DTNB: variants seen among roughly 807,000 people sequenced by gnomAD.
The protein encoded by DTNB is dystrobrevin beta, also known as DTN-B.
In DTNB, 63 loss-of-function variants were observed where a neutral mutation model predicts 90.7. The observed-to-expected ratio is 0.69, with a 90% CI of 0.57 to 0.86. The LOEUF is 0.86. Among genes scored for constraint, DTNB ranks in the 40% least tolerant of loss-of-function variants. The probability of loss-of-function intolerance (pLI) is 0.00; values close to 1 mark genes in which losing one functional copy is unlikely to be tolerated. For synonymous variants in DTNB, 277 were observed against 286.7 expected, an observed-to-expected ratio of 0.97 and a Z score of 0.34; for missense variants, 744 against 807.1, an observed-to-expected ratio of 0.92 and a Z score of 0.95.
chr2:25,398,099 A>C (rs891588220), intron 16 of DTNB, among the ~76,000 whole-genome samples: 4 of 152,112 alleles, frequency 2.6e-5, no homozygotes, highest in Admixed American at 6.5e-5. Context: ...AACCTTTGCA[A>C]ATACTTTGAT....
In DTNB at chr2:25,533,950, T is replaced by A. The variant is rs1476337349; in HGVS notation, c.877-2353A>T. Among the ~76,000 whole-genome samples, 7 of 151,114 alleles carry A rather than the reference T, an allele frequency of 4.6e-5. No homozygotes were observed. The East Asian group carries it at 1.4e-3, about 30-fold the overall frequency. On this transcript the variant is annotated intron_variant, in intron 8 of 20. Coordinates refer to ENST00000406818, the MANE Select transcript of DTNB (RefSeq NM_021907.5). ...AATTTTTATTTTTATTTTTATTTAT[T>A]TATTTATTTATTTATTTATTTTTTG...
intron 8 of DTNB, among the ~76,000 whole-genome samples, chr2:25,537,203 T>G (rs1174870349): frequency 2.0e-5 from 3 of 152,188 alleles, no homozygotes; most frequent in Admixed American, 6.5e-5. Context: ...AATCTTTTTT[T>G]TTTTGAGGAT....
chr2:25,438,429 C>T (rs1027341780), intron 12 of DTNB, among the ~76,000 whole-genome samples: 1 of 152,202 alleles, frequency 6.6e-6, no homozygotes, highest in Non-Finnish European at 1.5e-5. Flanking sequence ...GTTGGACAAG[C>T]TTGGTCTAGA....
At chr2:25,593,131 C>T (rs1414941140) in intron 6 of DTNB, among the ~76,000 whole-genome samples, 1 of 152,202 alleles carries the variant, frequency 6.6e-6, no homozygotes, top group African/African-American at 2.4e-5. Context: ...GTCCTTGAAA[C>T]CAGTCACTTC....
intron 16 of DTNB, among the ~76,000 whole-genome samples, chr2:25,409,006 A>G (rs2045967744): frequency 6.6e-6 from 1 of 152,204 alleles, no homozygotes; most frequent in Non-Finnish European, 1.5e-5. Context: ...TGCTGGAGAC[A>G]TGGCCAAGAA....
Position 25,640,834 on chromosome 2 carries a change from G to A in DTNB, c.68-1740C>T, listed in dbSNP as rs564798830. Among the ~76,000 whole-genome samples the A allele has an allele frequency of 1.1e-4, 16 of 152,040 alleles. 1 individual carries two copies. The highest frequency in any genetic ancestry group is 4.2e-4 in the South Asian group (2 of 4,810). ...ATCCTGACTAACATGGTGAAACCCC[G>A]TCTCTACTAAAAATACAAAAAATTA... is the stretch of plus-strand genomic sequence containing the variant. On this transcript the variant is annotated intron_variant, in intron 2 of 20. Transcript: ENST00000406818.
intron 8 of DTNB, among the ~76,000 whole-genome samples, chr2:25,565,034 G>T (rs1378869197): frequency 1.3e-5 from 2 of 152,114 alleles, no homozygotes; most frequent in African/African-American, 4.8e-5. Flanking sequence ...CTATATACAA[G>T]ATCATGTCAT....
Position 25,379,314 on chromosome 2 carries a change from C to G in DTNB, c.*5G>C, listed in dbSNP as rs1331220195. 12 of 1,319,386 alleles carry G rather than the reference C, an allele frequency of 9.1e-6. No individual in the cohort carries two copies. Among genetic ancestry groups the G allele is most frequent in the Non-Finnish European group, 1.2e-5 (12 of 1,024,930 alleles). 81.7% of individuals were successfully genotyped at this position (1,319,386 alleles called of 1,614,324 possible). A position where few individuals can be genotyped will look rare whatever the true frequency, so the allele number is the denominator to read the frequency against. ...CCTGAGCTTCCTCTGTGTCCGGCTC[C>G]TCTGCTAACCTGTGGCAGCATGGGC... is the stretch of plus-strand genomic sequence containing the variant. On this transcript the variant is annotated 3_prime_UTR_variant, in exon 20 of 21. Transcript: ENST00000406818.
intron 6 of DTNB, among the ~76,000 whole-genome samples, chr2:25,587,178 T>C (rs1207729579): frequency 6.6e-6 from 1 of 152,202 alleles, no homozygotes. Context: ...CTAAGCAGCT[T>C]ATCCAGCAGG....
intron 8 of DTNB, among the ~76,000 whole-genome samples, chr2:25,536,828 C>A (rs984904513): frequency 1.3e-5 from 2 of 152,064 alleles, no homozygotes; most frequent in African/African-American, 4.8e-5. Flanking sequence ...CTGCAACCAG[C>A]GCCTCCCGGG....
At chr2:25,529,850 A>C (rs561153376) in intron 9 of DTNB, among the ~76,000 whole-genome samples, 4 of 152,338 alleles carry the variant, frequency 2.6e-5, no homozygotes, top group African/African-American at 9.6e-5. Flanking sequence ...CAGAAGACTT[A>C]GTTATGGTTA....
chr2:25,440,845 T>C (rs570489448), intron 12 of DTNB, among the ~76,000 whole-genome samples: 33 of 152,324 alleles, frequency 2.2e-4, no homozygotes, highest in African/African-American at 6.0e-4. Context: ...CAATCACCCC[T>C]ACAGACGTCA....
intron 4 of DTNB, among the ~76,000 whole-genome samples, chr2:25,619,146 C>T (rs2071686260): frequency 1.3e-5 from 2 of 152,090 alleles, no homozygotes; most frequent in Admixed American, 1.3e-4. Context: ...CAAATTAATA[C>T]TTTTGAAAAC....
rs2051002022 is a variant in DTNB, at chr2:25,424,869, T to C, written c.1554+2666A>G. On this transcript the variant is annotated intron_variant, in intron 15 of 20. Coordinates refer to ENST00000406818, the MANE Select transcript of DTNB (RefSeq NM_021907.5). The surrounding 1 kb of genome is among the most constrained non-coding windows in gnomAD (Gnocchi z 4.1). ...TTTTAGTAGAGATGGGGTTTTGCCA[T>C]GTCAGCCAGGCTGAACTCCTGGCCT... Among the ~76,000 whole-genome samples the C allele has an allele frequency of 6.6e-6, 1 of 152,114 alleles. No individual in the cohort carries two copies. Among genetic ancestry groups the C allele is most frequent in the South Asian group, 2.1e-4 (1 of 4,824 alleles).
At chr2:25,379,559 G>A in intron 19 of DTNB, 1 of 419,596 alleles carries the variant, frequency 2.4e-6, no homozygotes, top group East Asian at 3.6e-5. Context: ...GAGAAGGAAA[G>A]TCATTAAAAA....
At chr2:25,388,053 C>T (rs1027427788) in intron 17 of DTNB, 149 bp downstream of exon 17, 3 of 1,338,628 alleles carry the variant, frequency 2.2e-6, no homozygotes, top group Admixed American at 4.4e-5. Flanking sequence ...TGAGAAGGGG[C>T]CAGCACCTGA....
intron 9 of DTNB, among the ~76,000 whole-genome samples, chr2:25,490,186 G>T (rs2067079766): frequency 6.6e-6 from 1 of 152,062 alleles, no homozygotes; most frequent in African/African-American, 2.4e-5. Flanking sequence ...TGAGGTGAGA[G>T]GACTGCTTGA....
chr2:25,388,070 T>C, intron 17 of DTNB, 132 bp downstream of exon 17: 3 of 1,439,480 alleles, frequency 2.1e-6, no homozygotes, highest in Non-Finnish European at 2.8e-6. Context: ...CTGACTTATT[T>C]ACACTGTCTG....
chr2:25,467,299 C>CTTTT (rs11345885), intron 10 of DTNB, among the ~76,000 whole-genome samples: 9 of 120,134 alleles, frequency 7.5e-5, no homozygotes, highest in Middle Eastern at 3.8e-3. Context: ...TTCTTTCTTT[C>CTTTT]TTTTTTTTTT....
Sources: allele counts gnomAD v4.1 joint callset (sites outside exome capture counted in the v4.1 genomes callset), GRCh38; gene constraint gnomAD v4.1.1; non-coding constraint Gnocchi (gnomAD v3.1); transcripts MANE v1.5; gene names NCBI Gene and HGNC (gene_info 2026-07-23, HGNC 2026-07-21).